The following LRP1 variants were observed in gnomAD, a reference collection of about 807,000 sequenced individuals.
The protein encoded by LRP1 is LDL receptor related protein 1.
LRP1 carries 51 observed loss-of-function variants against 541.5 expected under a neutral mutation model. That is an observed-to-expected ratio of 0.09 (90% CI 0.08 to 0.12). LRP1 has a LOEUF of 0.12. LRP1 is among the 10% of genes least tolerant of loss of function. LRP1 has a pLI of 1.00. For missense variants in LRP1, 3,878 were observed against 6,376.2 expected (o/e 0.61, Z 13.34); for synonymous variants, 2,219 against 2,470.8 (o/e 0.90, Z 3.02).
In LRP1 at chr12:57,141,517, G is replaced by T; in HGVS notation, c.328+6G>T. 6.2e-7 allele frequency: 1 copy of T among 1,614,160 alleles called. No homozygotes were observed. Among genetic ancestry groups the T allele is most frequent in the Non-Finnish European group, 8.5e-7 (1 of 1,180,014 alleles). ...TGAGGGGCCCCACTGCCGAGGTAAG[G>T]ACTTTTCCACTCTCTACTCTCCCGT... On this transcript the variant is annotated splice_donor_region_variant and intron_variant, in intron 3 of 88. Transcript: ENST00000243077.
chr12:57,198,438 C>T, intron 59 of LRP1, 27 bp from the exon 60 acceptor site: 3 of 1,611,214 alleles, frequency 1.9e-6, no homozygotes, highest in Non-Finnish European at 8.5e-7. Context: ...CGGGATCTCC[C>T]AGGGCTCACT....
chr12:57,129,314 C>G (rs774591982), intron 1 of LRP1, among the ~76,000 whole-genome samples: 1 of 152,050 alleles, frequency 6.6e-6, no homozygotes, highest in Non-Finnish European at 1.5e-5. Flanking sequence ...GGAGGAGAGG[C>G]CTTCTTTTCC....
chr12:57,150,521 C>T (rs148711177), intron 6 of LRP1, among the ~76,000 whole-genome samples: 2 of 152,278 alleles, frequency 1.3e-5, no homozygotes, highest in African/African-American at 2.4e-5. Flanking sequence ...GGGCAAGCTT[C>T]CTTCTGGGAG....
In LRP1 at chr12:57,197,748, C is replaced by T; in HGVS notation, c.9282+84C>T. ...TCGTCTCTCCTTCCCGCCCCACCAACCCAAATTGCTTCCTTCTCACTCCAC... is the reference window on the plus strand; with the variant it reads ...TCGTCTCTCCTTCCCGCCCCACCAATCCAAATTGCTTCCTTCTCACTCCAC... On this transcript the variant is annotated intron_variant, in intron 58 of 88. Transcript: ENST00000243077. This position sits in a 1 kb window ranked among gnomAD's most constrained non-coding sequence, Gnocchi z 4.5. 6.5e-7 allele frequency: 1 copy of T among 1,531,474 alleles called. No homozygotes were observed. The highest frequency in any genetic ancestry group is 2.3e-5 in the East Asian group (1 of 44,236). The allele number at this position is 1,531,474 out of a possible 1,614,324, so 94.9% of individuals were successfully genotyped here. A position where few individuals can be genotyped will look rare whatever the true frequency, so the allele number is the denominator to read the frequency against.
intron 58 of LRP1, 128 bp from the exon 59 acceptor site, chr12:57,198,028 G>C (rs886863389): frequency 3.0e-5 from 23 of 762,600 alleles, no homozygotes; most frequent in Non-Finnish European, 3.5e-5. Context: ...TACTTCCATG[G>C]TTCTCCCACC....
chr12:57,138,141 G>A (rs1308606480), intron 1 of LRP1, among the ~76,000 whole-genome samples: 1 of 152,164 alleles, frequency 6.6e-6, no homozygotes, highest in Non-Finnish European at 1.5e-5. Flanking sequence ...ATCAAAGCCA[G>A]GGGGTGCTGG....
chr12:57,130,913 C>CTCCAAAGCCCCAGGAGAGGACCCCTT (rs2035025460), intron 1 of LRP1, among the ~76,000 whole-genome samples: 1 of 152,124 alleles, frequency 6.6e-6, no homozygotes. Context: ...GAGGACCCCT[C>CTCCAAAGCCCCAGGAGAGGACCCCTT]CCCAAACACA....
intron 41 of LRP1, 121 bp from the exon 42 acceptor site, chr12:57,187,146 C>T: frequency 1.0e-6 from 1 of 994,736 alleles, no homozygotes; most frequent in Non-Finnish European, 1.5e-6. Context: ...CTCTTGCACT[C>T]CCATACCCCA....
chr12:57,144,663 T>G (rs1251547176), intron 4 of LRP1: 2 of 369,504 alleles, frequency 5.4e-6, no homozygotes, highest in East Asian at 4.8e-5. Flanking sequence ...AATATAAGTT[T>G]CATGAGGACA....
rs766970865 is a variant in LRP1 at position 57,156,967 on chromosome 12, G to A, written c.1561+47G>A. The A allele has an allele frequency of 1.3e-5, 19 of 1,509,384 alleles. No homozygotes were observed. Among genetic ancestry groups the A allele is most frequent in the Non-Finnish European group, 1.7e-5 (19 of 1,122,648 alleles). 93.5% of individuals were successfully genotyped at this position (1,509,384 alleles called of 1,614,324 possible). On this transcript the variant is annotated intron_variant, in intron 10 of 88. Coordinates refer to ENST00000243077, the MANE Select transcript of LRP1 (RefSeq NM_002332.3). The surrounding 1 kb of genome is among the most constrained non-coding windows in gnomAD (Gnocchi z 5.2). Reference sequence around the variant, plus strand: ...GTGTGCCCATTGGGAGGCTGCGGGAGGGTTCCTCAGGTGTCCCCCACAGCC... The same window carrying A: ...GTGTGCCCATTGGGAGGCTGCGGGAAGGTTCCTCAGGTGTCCCCCACAGCC...
Position 57,204,914 on chromosome 12 carries a change from A to T in LRP1, c.11194+165A>T. ...CTGGGGGCTTTTCGTTAGGAAAGAG[A>T]AGCCCCTGGGGAAGGCTCTGGGGGC... On this transcript the variant is annotated intron_variant, in intron 72 of 88. Transcript: ENST00000243077. This position sits in a 1 kb window ranked among gnomAD's most constrained non-coding sequence, Gnocchi z 5.3. 7.4e-7 allele frequency: 1 copy of T among 1,352,740 alleles called. No homozygotes were observed. The highest frequency in any genetic ancestry group is 1.0e-6 in the Non-Finnish European group (1 of 1,000,844). The allele number at this position is 1,352,740 out of a possible 1,614,324, so 83.8% of individuals were successfully genotyped here.
chr12:57,162,262 A>C lies in LRP1; in HGVS notation c.2203-55A>C. Reference sequence around the variant, plus strand: ...AATGAATGTACAAAACAGTGATCTCACAGGCCTCCCTCAATTTTCTTCCAA... The same window carrying C: ...AATGAATGTACAAAACAGTGATCTCCCAGGCCTCCCTCAATTTTCTTCCAA... On this transcript the variant is annotated intron_variant, in intron 13 of 88. Coordinates refer to ENST00000243077, the MANE Select transcript of LRP1 (RefSeq NM_002332.3). This position sits in a 1 kb window ranked among gnomAD's most constrained non-coding sequence, Gnocchi z 5.2. 7.0e-7 allele frequency: 1 copy of C among 1,432,418 alleles called. No individual in the cohort carries two copies. The highest frequency in any genetic ancestry group is 2.3e-5 in the East Asian group (1 of 44,024). 88.7% of individuals were successfully genotyped at this position (1,432,418 alleles called of 1,614,324 possible).
chr12:57,149,995 A>G (rs747682925), intron 6 of LRP1: 1 of 520,834 alleles, frequency 1.9e-6, no homozygotes, highest in Non-Finnish European at 3.4e-6. Context: ...AGAGGGGGAA[A>G]ATGATGTCCC....
chr12:57,210,079 C>T lies in LRP1; in HGVS notation c.12490C>T (p.Pro4164Ser). ...ATGCGAGTGGCTCTGCCTGCTGAGC[C>T]CCAGTGGGCCTGTCTGCACCTGTCC... The part of the protein sequence containing the change: ...KKCEWLCLLS[P>S]SGPVCTCPNG... Residue 4164 changes from proline to serine, a missense_variant, in exon 81 of 89, where the codon CCC becomes TCC. This residue lies in a region of LRP1 where 871 missense variants were observed against 1,212.4 expected (regional missense o/e 0.72). Coordinates refer to ENST00000243077, the MANE Select transcript of LRP1 (RefSeq NM_002332.3). The T allele has an allele frequency of 6.2e-7, 1 of 1,613,564 alleles. No individual in the cohort carries two copies. Among genetic ancestry groups the T allele is most frequent in the Non-Finnish European group, 8.5e-7 (1 of 1,179,740 alleles).
chr12:57,193,012 A>G (rs2036449312), intron 45 of LRP1, 42 bp downstream of exon 45: 1 of 1,604,748 alleles, frequency 6.2e-7, no homozygotes, highest in African/African-American at 1.3e-5. Context: ...GAACCCAAGC[A>G]CACACCAGGG....
chr12:57,136,392 A>G lies in LRP1; in HGVS notation c.68-2067A>G, dbSNP rs2035165400. 3.5e-5 allele frequency among the ~76,000 whole-genome samples: 4 copies of G among 113,256 alleles called. No individual in the cohort carries two copies. In the South Asian group the frequency reaches 1.2e-3, roughly 35 times the overall value. 74.3% of individuals were successfully genotyped at this position (113,256 alleles called of 152,430 possible). A position where few individuals can be genotyped will look rare whatever the true frequency, so the allele number is the denominator to read the frequency against. ...CTCCCATCAGACTCCCTCCCTCCTAAGAGCCCCCCCCCCCCGCCATTTTCC... is the reference window on the plus strand; with the variant it reads ...CTCCCATCAGACTCCCTCCCTCCTAGGAGCCCCCCCCCCCCGCCATTTTCC... On this transcript the variant is annotated intron_variant, in intron 1 of 88. Transcript: ENST00000243077.
chr12:57,135,512 C>T (rs188577972), intron 1 of LRP1, among the ~76,000 whole-genome samples: 2 of 152,284 alleles, frequency 1.3e-5, no homozygotes, highest in Non-Finnish European at 2.9e-5. Flanking sequence ...TTCTTTCTTC[C>T]CTCTCCCCCT....
chr12:57,200,841 CT>C, intron 64 of LRP1, 26 bp downstream of exon 64: 1 of 1,590,602 alleles, frequency 6.3e-7, no homozygotes, highest in Non-Finnish European at 8.6e-7. Context: ...CCCACCCTCC[CT>C]CCTTCCCCAG....
chr12:57,134,083 C>A (rs916290798), intron 1 of LRP1, among the ~76,000 whole-genome samples: 2 of 152,124 alleles, frequency 1.3e-5, no homozygotes, highest in African/African-American at 4.8e-5. Flanking sequence ...CCTGCCCTGG[C>A]TCCAGCTTGG....
Sources: gnomAD v4.1 joint callset for allele counts (sites outside exome capture counted in the v4.1 genomes callset) on GRCh38, gnomAD v4.1.1 for gene constraint, gnomAD v4.1.1 regional missense constraint, Gnocchi (gnomAD v3.1) non-coding constraint, MANE v1.5 for transcripts, NCBI Gene and HGNC (gene_info 2026-07-23, HGNC 2026-07-21) for gene names.